The following DERA variants were observed in gnomAD, a reference collection of about 807,000 sequenced individuals.
DERA encodes the protein 2-deoxy-D-ribose 5-phosphate aldolase.
Under a neutral mutation model 41.1 loss-of-function variants are expected in DERA, and 15 were observed. The ratio of observed to expected loss-of-function variants is 0.37; its 90% CI spans 0.24 to 0.56. DERA has a LOEUF of 0.56. Among genes scored for constraint, DERA ranks in the 20% least tolerant of loss-of-function variants. The pLI, the probability that DERA is intolerant of heterozygous loss-of-function variation, is 0.81. For missense variants in DERA, 396 were observed against 403.4 expected (o/e 0.98, Z 0.16); for synonymous variants, 139 against 137.4 (o/e 1.01, Z -0.08).
rs1005870365 is a variant in DERA at position 15,989,699 on chromosome 12, T to A, written c.637+7263T>A. Among the ~76,000 whole-genome samples, 2 of 152,254 alleles carry A rather than the reference T, an allele frequency of 1.3e-5. No homozygotes were observed. The highest frequency in any genetic ancestry group is 4.8e-5 in the African/African-American group (2 of 41,464). ...CAGAATCTCAAAGGGAAACCATTTGTCATTACATTCATAACAATTTATTTT... is the reference window on the plus strand; with the variant it reads ...CAGAATCTCAAAGGGAAACCATTTGACATTACATTCATAACAATTTATTTT... On this transcript the variant is annotated intron_variant, in intron 6 of 8. Coordinates refer to ENST00000428559, the MANE Select transcript of DERA (RefSeq NM_015954.4). This position sits in a 1 kb window ranked among gnomAD's most constrained non-coding sequence, Gnocchi z 5.2.
rs1430731805 is a variant in DERA at position 15,921,474 on chromosome 12, T to A, written c.31+10060T>A. 6.6e-6 allele frequency among the ~76,000 whole-genome samples: 1 copy of A among 152,212 alleles called. No individual in the cohort carries two copies. Among genetic ancestry groups the A allele is most frequent in the Non-Finnish European group, 1.5e-5 (1 of 68,038 alleles). On this transcript the variant is annotated intron_variant, in intron 1 of 8. Transcript: ENST00000428559. The surrounding 1 kb of genome is among the most constrained non-coding windows in gnomAD (Gnocchi z 5.3). ...ACATATTCATGTTTCCTTGAGATTA[T>A]GGATTAAGTTTGTATTTTGGACTCA...
chr12:15,941,469 C>T lies in DERA; in HGVS notation c.32-15467C>T, dbSNP rs547785888. Among the ~76,000 whole-genome samples, 1 of 152,016 alleles carries T rather than the reference C, an allele frequency of 6.6e-6. No individual in the cohort carries two copies. Among genetic ancestry groups the T allele is most frequent in the East Asian group, 1.9e-4 (1 of 5,172 alleles). On this transcript the variant is annotated intron_variant, in intron 1 of 8. Transcript: ENST00000428559. The surrounding 1 kb of genome is among the most constrained non-coding windows in gnomAD (Gnocchi z 4.5). ...GGTGATTTCTGAGATTTTAGTGTAC[C>T]CATCACCCTAGCAATGTACGCTGTA...
rs574539971 is a variant in DERA, at chr12:15,918,847, C to T, written c.31+7433C>T. On this transcript the variant is annotated intron_variant, in intron 1 of 8. Transcript: ENST00000428559. This position sits in a 1 kb window ranked among gnomAD's most constrained non-coding sequence, Gnocchi z 4.3. Reference sequence around the variant, plus strand: ...GTTTTTTTGGAGAGGATGTTTCTGACGGAGTAGTTTCTACAAAGGGACTAG... The same window carrying T: ...GTTTTTTTGGAGAGGATGTTTCTGATGGAGTAGTTTCTACAAAGGGACTAG... Among the ~76,000 whole-genome samples the T allele has an allele frequency of 5.1e-4, 77 of 152,092 alleles. 1 individual carries two copies. The highest frequency in any genetic ancestry group is 4.5e-3 in the Admixed American group (69 of 15,260).
At chr12:16,031,931 T>C (rs1949095200) in intron 6 of DERA, among the ~76,000 whole-genome samples, 1 of 152,216 alleles carries the variant, frequency 6.6e-6, no homozygotes, top group East Asian at 1.9e-4. Context: ...CCTTGTGTTA[T>C]TTTGTTAAAC....
At position 16,026,560 on chromosome 12, in the gene DERA, A is replaced by G. The variant is rs967861488; in HGVS notation, c.638-5982A>G. ...TTTAATTTCTTTTATAAAATATTTAATGTGACTTTTACATAAATTGTAAAT... is the reference window on the plus strand; with the variant it reads ...TTTAATTTCTTTTATAAAATATTTAGTGTGACTTTTACATAAATTGTAAAT... On this transcript the variant is annotated intron_variant, in intron 6 of 8. Transcript: ENST00000428559. This position sits in a 1 kb window ranked among gnomAD's most constrained non-coding sequence, Gnocchi z 4.4. Among the ~76,000 whole-genome samples, 1 of 150,566 alleles carries G rather than the reference A, an allele frequency of 6.6e-6. No individual in the cohort carries two copies. The highest frequency in any genetic ancestry group is 1.9e-4 in the East Asian group (1 of 5,186).
chr12:16,006,061 G>A (rs1292170428), intron 6 of DERA, among the ~76,000 whole-genome samples: 1 of 152,194 alleles, frequency 6.6e-6, no homozygotes, highest in African/African-American at 2.4e-5. Flanking sequence ...TCTATTTAAA[G>A]GATGTAACAC....
chr12:16,031,320 G>T (rs1474469296), intron 6 of DERA, among the ~76,000 whole-genome samples: 1 of 152,232 alleles, frequency 6.6e-6, no homozygotes, highest in Non-Finnish European at 1.5e-5. Context: ...TATACACAGT[G>T]TGCTTAATAA....
chr12:15,987,953 G>T (rs2136165795), intron 6 of DERA, among the ~76,000 whole-genome samples: 1 of 152,270 alleles, frequency 6.6e-6, no homozygotes, highest in Admixed American at 6.5e-5. Flanking sequence ...GCACAGCCAG[G>T]CACATCAGCT....
At chr12:15,964,708 A>G (rs755521563) in intron 5 of DERA, among the ~76,000 whole-genome samples, 6 of 152,230 alleles carry the variant, frequency 3.9e-5, no homozygotes, top group Non-Finnish European at 8.8e-5. Flanking sequence ...TTATATCTTA[A>G]GCAATTGTAG....
rs944902799 is a variant in DERA at position 15,965,289 on chromosome 12, A to G, written c.508+2342A>G. Among the ~76,000 whole-genome samples, 1 of 152,188 alleles carries G rather than the reference A, an allele frequency of 6.6e-6. No homozygotes were observed. The highest frequency in any genetic ancestry group is 1.5e-5 in the Non-Finnish European group (1 of 68,034). On this transcript the variant is annotated intron_variant, in intron 5 of 8. Coordinates refer to ENST00000428559, the MANE Select transcript of DERA (RefSeq NM_015954.4). This position sits in a 1 kb window ranked among gnomAD's most constrained non-coding sequence, Gnocchi z 4.1. ...ATATTTGGTAAAGCACAATAGAAAG[A>G]ACCCCATTTTATTTTTTAAGTTCTG...
rs7314163 is a variant in DERA, at chr12:16,010,093, A to G, written c.638-22449A>G. On this transcript the variant is annotated intron_variant, in intron 6 of 8. Transcript: ENST00000428559. The surrounding 1 kb of genome is among the most constrained non-coding windows in gnomAD (Gnocchi z 5.5). ...GTATGGTTGTGTGTTATTTCCATTT[A>G]AGAGTTTTAGTAAAGGAAGCCAAGC... 0.082 allele frequency among the ~76,000 whole-genome samples: 12,441 copies of G among 152,190 alleles called. 1,519 individuals are homozygous for G. The highest frequency in any genetic ancestry group is 0.26 in the African/African-American group (10,752 of 41,468).
chr12:15,984,007 G>T lies in DERA; in HGVS notation c.637+1571G>T, dbSNP rs1174668653. Among the ~76,000 whole-genome samples, 1 of 152,162 alleles carries T rather than the reference G, an allele frequency of 6.6e-6. No homozygotes were observed. The highest frequency in any genetic ancestry group is 1.5e-5 in the Non-Finnish European group (1 of 68,022). On this transcript the variant is annotated intron_variant, in intron 6 of 8. Transcript: ENST00000428559. The surrounding 1 kb of genome is among the most constrained non-coding windows in gnomAD (Gnocchi z 4.5). Reference sequence around the variant, plus strand: ...GGAAAAGCCCCTTGGAGGCTACTTGGTGTACAGGTAGCCCCCCTTTATGCT... The same window carrying T: ...GGAAAAGCCCCTTGGAGGCTACTTGTTGTACAGGTAGCCCCCCTTTATGCT...
intron 1 of DERA, among the ~76,000 whole-genome samples, chr12:15,925,733 A>T (rs1948277176): frequency 6.6e-6 from 1 of 151,598 alleles, no homozygotes. Flanking sequence ...CAATGGGGAG[A>T]ATTTAATCAT....
intron 6 of DERA, among the ~76,000 whole-genome samples, chr12:16,024,467 C>T (rs900840763): frequency 3.3e-5 from 5 of 152,148 alleles, no homozygotes; most frequent in African/African-American, 1.2e-4. Flanking sequence ...CATTGGAAAA[C>T]ATGTCAGCGT....
rs1300712596 is a variant in DERA, at chr12:15,982,530, C to G, written c.637+94C>G. ...AAGCATTTAGCTATTATTAAACGTGCTAACCACTTGGAATTTTTTTGCGGG... is the reference window on the plus strand; with the variant it reads ...AAGCATTTAGCTATTATTAAACGTGGTAACCACTTGGAATTTTTTTGCGGG... On this transcript the variant is annotated intron_variant, in intron 6 of 8. Coordinates refer to ENST00000428559, the MANE Select transcript of DERA (RefSeq NM_015954.4). This position sits in a 1 kb window ranked among gnomAD's most constrained non-coding sequence, Gnocchi z 4.0. The G allele has an allele frequency of 1.5e-6, 2 of 1,367,452 alleles. No homozygotes were observed. The highest frequency in any genetic ancestry group is 2.0e-6 in the Non-Finnish European group (2 of 1,018,616). The allele number at this position is 1,367,452 out of a possible 1,614,324, so 84.7% of individuals were successfully genotyped here. A position where few individuals can be genotyped will look rare whatever the true frequency, so the allele number is the denominator to read the frequency against.
chr12:16,023,552 A>C (rs1444132441), intron 6 of DERA, among the ~76,000 whole-genome samples: 1 of 132,788 alleles, frequency 7.5e-6, no homozygotes, highest in African/African-American at 3.0e-5. Flanking sequence ...ATCTCGGCTC[A>C]CTGCAAGCTC....
intron 1 of DERA, among the ~76,000 whole-genome samples, chr12:15,947,441 G>C (rs1005372126): frequency 6.6e-6 from 1 of 152,148 alleles, no homozygotes; most frequent in Admixed American, 6.5e-5. Flanking sequence ...TTGTTGAATT[G>C]ATCTCTTTAC....
In DERA at chr12:15,966,221, C is replaced by T. The variant is rs551406646; in HGVS notation, c.508+3274C>T. On this transcript the variant is annotated intron_variant, in intron 5 of 8. Coordinates refer to ENST00000428559, the MANE Select transcript of DERA (RefSeq NM_015954.4). The surrounding 1 kb of genome is among the most constrained non-coding windows in gnomAD (Gnocchi z 5.1). ...CCTAAGCTCTGGTTCCGCAGCAACG[C>T]TCTGGAGTGAGGCGTCCTCCTCACT... 2.0e-5 allele frequency among the ~76,000 whole-genome samples: 3 copies of T among 152,286 alleles called. No homozygotes were observed. Among genetic ancestry groups the T allele is most frequent in the South Asian group, 2.1e-4 (1 of 4,830 alleles).
In DERA at chr12:16,026,463, A is replaced by G. The variant is rs931765647; in HGVS notation, c.638-6079A>G. 3.3e-5 allele frequency among the ~76,000 whole-genome samples: 5 copies of G among 151,768 alleles called. No homozygotes were observed. The highest frequency in any genetic ancestry group is 1.2e-4 in the African/African-American group (5 of 41,418). On this transcript the variant is annotated intron_variant, in intron 6 of 8. Coordinates refer to ENST00000428559, the MANE Select transcript of DERA (RefSeq NM_015954.4). This position sits in a 1 kb window ranked among gnomAD's most constrained non-coding sequence, Gnocchi z 4.4. ...AAATGGATCAATCCTCAAAAGACAT[A>G]AACAACCAAAACTCACAAGGAGAAA...
Sources: allele counts gnomAD v4.1 joint callset (sites outside exome capture counted in the v4.1 genomes callset), GRCh38; gene constraint gnomAD v4.1.1; non-coding constraint Gnocchi (gnomAD v3.1); transcripts MANE v1.5; gene names NCBI Gene and HGNC (gene_info 2026-07-23, HGNC 2026-07-21).